The following MKNK1 variants were observed in gnomAD, a reference collection of about 807,000 sequenced individuals.
MKNK1 encodes the protein MAP kinase-interacting serine/threonine-protein kinase 1.
A neutral mutation model predicts 49.3 loss-of-function variants in MKNK1; 30 were observed. The ratio of observed to expected loss-of-function variants is 0.61; its 90% CI spans 0.46 to 0.83. MKNK1 has a LOEUF of 0.83. Among genes scored for constraint, MKNK1 ranks in the 40% least tolerant of loss-of-function variants. The pLI is 0.00. For missense variants in MKNK1, 423 were observed against 524.7 expected (o/e 0.81, Z 1.89); for synonymous variants, 176 against 201.7 (o/e 0.87, Z 1.08).
At chr1:46,591,520 A>T (rs1382282225) in intron 2 of MKNK1, among the ~76,000 whole-genome samples, 1 of 152,096 alleles carries the variant, frequency 6.6e-6, no homozygotes, top group African/African-American at 2.4e-5. Flanking sequence ...AGGACATGGA[A>T]GGGGAGAATG....
In MKNK1 at chr1:46,570,155, G is replaced by A. The variant is rs140495105; in HGVS notation, c.458-1657C>T. 1.1e-4 allele frequency: 17 copies of A among 152,302 alleles called. No homozygotes were observed. The East Asian group carries it at 3.3e-3, about 29-fold the overall frequency. The allele number at this position is 152,302 out of a possible 1,614,324, so 9.4% of individuals were successfully genotyped here. A position where few individuals can be genotyped will look rare whatever the true frequency, so the allele number is the denominator to read the frequency against. ...CACATGGGCAGCTGGCCAGCTACAT[G>A]TTAACAAGCGCCTCAGAACTCCTAA... On this transcript the variant is annotated intron_variant, in intron 7 of 12. Transcript: ENST00000371945.
At chr1:46,573,381 A>T (rs1221804547) in intron 6 of MKNK1, among the ~76,000 whole-genome samples, 1 of 152,214 alleles carries the variant, frequency 6.6e-6, no homozygotes, top group Non-Finnish European at 1.5e-5. Context: ...TGTAATTAAC[A>T]GTCAGTCATG....
At chr1:46,570,320 G>A (rs1669877872) in intron 7 of MKNK1, 1 of 152,234 alleles carries the variant, frequency 6.6e-6, no homozygotes, top group Non-Finnish European at 1.5e-5. Flanking sequence ...AGCTTGGGGA[G>A]CAGTTGTAAA....
intron 3 of MKNK1, among the ~76,000 whole-genome samples, chr1:46,581,258 G>A (rs12074458): frequency 0.041 from 6,291 of 151,750 alleles, 163 homozygotes; most frequent in African/African-American, 0.079. Context: ...CACACCTGTA[G>A]TCCCGGCACT....
At chr1:46,583,366 G>T in intron 2 of MKNK1, 37 bp from the exon 3 acceptor site, 1 of 1,486,780 alleles carries the variant, frequency 6.7e-7, no homozygotes, top group Non-Finnish European at 9.3e-7. Flanking sequence ...AAACATCACT[G>T]TACTGATCAA....
chr1:46,575,092 T>A, intron 5 of MKNK1, 72 bp from the exon 6 acceptor site: 4 of 1,005,076 alleles, frequency 4.0e-6, no homozygotes, highest in Admixed American at 5.1e-5. Flanking sequence ...TACTTACAAA[T>A]ATACAATGAA....
intron 2 of MKNK1, among the ~76,000 whole-genome samples, chr1:46,592,834 T>C (rs1339414364): frequency 2.0e-5 from 3 of 152,148 alleles, no homozygotes; most frequent in Non-Finnish European, 4.4e-5. Context: ...GAGGGCCTCA[T>C]ATACTTATGA....
chr1:46,584,611 A>G (rs1321633913), intron 2 of MKNK1: 1 of 152,148 alleles, frequency 6.6e-6, no homozygotes, highest in African/African-American at 2.4e-5. Context: ...GACCAGAGAA[A>G]GAGCAAGTCT....
At chr1:46,570,772 A>G (rs1343394221) in intron 7 of MKNK1, among the ~76,000 whole-genome samples, 1 of 152,228 alleles carries the variant, frequency 6.6e-6, no homozygotes, top group Admixed American at 6.5e-5. Context: ...GGAGGTGAGG[A>G]TGGAGGAAAT....
chr1:46,573,041 G>A (rs1441388543), intron 6 of MKNK1, among the ~76,000 whole-genome samples: 1 of 152,212 alleles, frequency 6.6e-6, no homozygotes, highest in Non-Finnish European at 1.5e-5. Flanking sequence ...GAATACTCTT[G>A]AAATAAACTG....
chr1:46,580,960 A>C (rs1297049468), intron 3 of MKNK1, among the ~76,000 whole-genome samples: 2 of 152,192 alleles, frequency 1.3e-5, no homozygotes, highest in African/African-American at 2.4e-5. Context: ...AGGGGCTTAC[A>C]CCTGTAATCC....
At chr1:46,562,267 C>T (rs947751770) in intron 10 of MKNK1, among the ~76,000 whole-genome samples, 10 of 151,882 alleles carry the variant, frequency 6.6e-5, no homozygotes, top group South Asian at 2.1e-4. Flanking sequence ...TGGTGGCCGG[C>T]GCCTGTAGTC....
chr1:46,564,466 G>GTTTTTTTTTTTTTTTTTTTTTTT (rs568296534), intron 9 of MKNK1, among the ~76,000 whole-genome samples: 1 of 70,168 alleles, frequency 1.4e-5, no homozygotes, highest in African/African-American at 6.8e-5. Flanking sequence ...TTTTTTTATT[G>GTTTTTTTTTTTTTTTTTTTTTTT]TTTTTTTTTT....
intron 6 of MKNK1, among the ~76,000 whole-genome samples, chr1:46,572,795 T>TGAA (rs1222940504): frequency 2.0e-5 from 3 of 152,126 alleles, no homozygotes; most frequent in African/African-American, 7.2e-5. Context: ...GGAATAAAAC[T>TGAA]GAAGGCACTT....
chr1:46,587,656 A>G lies in MKNK1; in HGVS notation c.-2-4327T>C, dbSNP rs1218856296. 2.0e-5 allele frequency among the ~76,000 whole-genome samples: 3 copies of G among 152,116 alleles called. No homozygotes were observed. The South Asian group carries it at 6.2e-4, about 32-fold the overall frequency. ...AACATGGAGAAACCTCGTCTCTACT[A>G]AAAGTACAAAATTAGCCAGGCATGG... On this transcript the variant is annotated intron_variant, in intron 2 of 12. Coordinates refer to ENST00000371945, the MANE Select transcript of MKNK1 (RefSeq NM_001135553.4).
chr1:46,583,694 C>T (rs924910145), intron 2 of MKNK1, among the ~76,000 whole-genome samples: 12 of 152,112 alleles, frequency 7.9e-5, no homozygotes, highest in Non-Finnish European at 1.5e-4. Flanking sequence ...CATCCTCCAG[C>T]CTCAGCATCA....
At chr1:46,565,989 A>T (rs1361149915) in intron 8 of MKNK1, among the ~76,000 whole-genome samples, 1 of 152,164 alleles carries the variant, frequency 6.6e-6, no homozygotes, top group Non-Finnish European at 1.5e-5. Context: ...TAAAGCATAA[A>T]ATATGAGATT....
Position 46,558,343 on chromosome 1 carries a change from G to A in MKNK1, c.*232C>T. On this transcript the variant is annotated 3_prime_UTR_variant, in exon 13 of 13. Transcript: ENST00000371945. The stretch of plus-strand genomic sequence containing the variant: ...TTCCTGCTGCAGGCAATTATGCAAA[G>A]TGAGAAGTGATTGCTTTCCTTTTCA... The A allele has an allele frequency of 3.7e-6, 2 of 539,276 alleles. No homozygotes were observed. Among genetic ancestry groups the A allele is most frequent in the Non-Finnish European group, 6.5e-6 (2 of 308,884 alleles). 33.4% of individuals were successfully genotyped at this position (539,276 alleles called of 1,614,324 possible).
intron 4 of MKNK1, among the ~76,000 whole-genome samples, chr1:46,579,804 A>T (rs1397802675): frequency 6.6e-6 from 1 of 152,228 alleles, no homozygotes; most frequent in Non-Finnish European, 1.5e-5. Flanking sequence ...CTTACAGCTA[A>T]TTAAAGGCAG....
Sources: gnomAD v4.1 joint callset for allele counts (sites outside exome capture counted in the v4.1 genomes callset) on GRCh38, gnomAD v4.1.1 for gene constraint, MANE v1.5 for transcripts, NCBI Gene and HGNC (gene_info 2026-07-23, HGNC 2026-07-21) for gene names.